RALYL: variants seen among roughly 807,000 people sequenced by gnomAD.
RALYL encodes the protein RALY RNA binding protein like.
RALYL carries 29 observed loss-of-function variants against 35.1 expected under a neutral mutation model. That is an observed-to-expected ratio of 0.83 (90% CI 0.61 to 1.13). RALYL has a LOEUF of 1.13. Ranked by LOEUF, RALYL falls within the 50% of genes most tolerant of loss-of-function variation. The probability of loss-of-function intolerance (pLI) is 0.00; values close to 1 mark genes in which losing one functional copy is unlikely to be tolerated. For synonymous variants in RALYL, 120 were observed against 127.6 expected, an observed-to-expected ratio of 0.94 and a Z score of 0.40; for missense variants, 359 against 360.4, an observed-to-expected ratio of 1.00 and a Z score of 0.03.
intron 2 of RALYL, among the ~76,000 whole-genome samples, chr8:84,688,911 C>T (rs1469051030): frequency 3.3e-5 from 5 of 151,676 alleles, no homozygotes; most frequent in East Asian, 1.9e-4. Context: ...AAAGGGATGT[C>T]GAAAGAATTT....
At chr8:84,238,901 A>G (rs1262488044) in intron 1 of RALYL, among the ~76,000 whole-genome samples, 1 of 152,220 alleles carries the variant, frequency 6.6e-6, no homozygotes, top group African/African-American at 2.4e-5. Flanking sequence ...ATGACAATCT[A>G]TAGCATGCAT....
intron 1 of RALYL, among the ~76,000 whole-genome samples, chr8:84,271,772 G>C (rs1170116807): frequency 3.9e-5 from 6 of 152,066 alleles, no homozygotes; most frequent in African/African-American, 1.2e-4. Flanking sequence ...CACTTACATG[G>C]AAGTTTTAGA....
At chr8:84,520,647 G>C in intron 1 of RALYL, among the ~76,000 whole-genome samples, 1 of 152,160 alleles carries the variant, frequency 6.6e-6, no homozygotes, top group East Asian at 1.9e-4. Flanking sequence ...ATTACTGCCT[G>C]AACTCTGCCT....
At chr8:84,309,993 C>T (rs1304958256) in intron 1 of RALYL, among the ~76,000 whole-genome samples, 1 of 151,986 alleles carries the variant, frequency 6.6e-6, no homozygotes, top group Non-Finnish European at 1.5e-5. Context: ...TCCCAAAGTG[C>T]TGAAATTACA....
At chr8:84,612,819 A>G (rs911024428) in intron 2 of RALYL, among the ~76,000 whole-genome samples, 1 of 151,726 alleles carries the variant, frequency 6.6e-6, no homozygotes, top group South Asian at 2.1e-4. Context: ...TATCCTTGGA[A>G]CAACATTGCT....
At chr8:84,726,859 G>T (rs980651223) in intron 2 of RALYL, among the ~76,000 whole-genome samples, 23 of 151,958 alleles carry the variant, frequency 1.5e-4, no homozygotes, top group African/African-American at 5.6e-4. Flanking sequence ...ATATAAATAA[G>T]GGCGATCCCC....
chr8:84,460,759 C>G (rs964076876), intron 1 of RALYL, among the ~76,000 whole-genome samples: 1 of 151,390 alleles, frequency 6.6e-6, no homozygotes, highest in Non-Finnish European at 1.5e-5. Flanking sequence ...TTTTTTCATA[C>G]AGTATAAATT....
chr8:84,838,753 G>T (rs958365693), intron 4 of RALYL, among the ~76,000 whole-genome samples: 1 of 152,118 alleles, frequency 6.6e-6, no homozygotes, highest in Non-Finnish European at 1.5e-5. Context: ...AAATAAAAAT[G>T]AATTTTCTTT....
intron 2 of RALYL, among the ~76,000 whole-genome samples, chr8:84,743,769 G>T (rs765832587): frequency 1.3e-5 from 2 of 152,012 alleles, no homozygotes; most frequent in Non-Finnish European, 2.9e-5. Flanking sequence ...AAAAAGGAAA[G>T]CAATCCTGAC....
intron 1 of RALYL, among the ~76,000 whole-genome samples, chr8:84,403,554 T>TTTA (rs2043158421): frequency 1.4e-5 from 2 of 140,336 alleles, no homozygotes; most frequent in Non-Finnish European, 1.5e-5. Context: ...TTTTTTTTTT[T>TTTA]AACCAGTACC....
intron 2 of RALYL, among the ~76,000 whole-genome samples, chr8:84,674,284 T>C (rs780124315): frequency 5.9e-5 from 9 of 152,152 alleles, no homozygotes; most frequent in Non-Finnish European, 1.2e-4. Flanking sequence ...GCTGAGATGG[T>C]GGGGTTTTCT....
At chr8:84,326,533 T>C (rs185832874) in intron 1 of RALYL, among the ~76,000 whole-genome samples, 2 of 152,348 alleles carry the variant, frequency 1.3e-5, no homozygotes, top group Admixed American at 1.3e-4. Context: ...GCCTCAAACA[T>C]GTTAGCTATT....
chr8:84,512,793 T>A (rs1359521774), intron 1 of RALYL, among the ~76,000 whole-genome samples: 18 of 152,176 alleles, frequency 1.2e-4, no homozygotes, highest in Admixed American at 1.2e-3. Context: ...GTGTACTTTC[T>A]CCAATGTATG....
chr8:84,262,760 A>G (rs1238735649), intron 1 of RALYL, among the ~76,000 whole-genome samples: 7 of 152,184 alleles, frequency 4.6e-5, no homozygotes. Context: ...CATTACCAAA[A>G]AGGAATCAAA....
chr8:84,715,315 A>G (rs1302714197), intron 2 of RALYL, among the ~76,000 whole-genome samples: 2 of 151,866 alleles, frequency 1.3e-5, no homozygotes, highest in African/African-American at 4.8e-5. Context: ...ATAATGAAGT[A>G]ATTTGTGATA....
At chr8:84,621,564 G>A (rs143580851) in intron 2 of RALYL, among the ~76,000 whole-genome samples, 162 of 151,254 alleles carry the variant, frequency 1.1e-3, no homozygotes, top group African/African-American at 3.4e-3. Context: ...CTTCGGCGTC[G>A]CTCACGCTGG....
intron 1 of RALYL, among the ~76,000 whole-genome samples, chr8:84,338,234 A>G (rs144798964): frequency 2.7e-4 from 41 of 152,124 alleles, no homozygotes; most frequent in African/African-American, 8.2e-4. Context: ...TTTATAGGTA[A>G]GAGAAATTAC....
intron 1 of RALYL, among the ~76,000 whole-genome samples, chr8:84,314,143 A>G (rs1470826052): frequency 2.0e-5 from 3 of 152,072 alleles, no homozygotes; most frequent in African/African-American, 7.2e-5. Flanking sequence ...AACACTGGAC[A>G]CTTATCAAAC....
intron 2 of RALYL, among the ~76,000 whole-genome samples, chr8:84,655,918 C>A (rs562417589): frequency 6.6e-6 from 1 of 152,182 alleles, no homozygotes; most frequent in Non-Finnish European, 1.5e-5. Flanking sequence ...AATCAGCAAC[C>A]TTGTTTAGTT....
Sources: allele counts gnomAD v4.1 joint callset (sites outside exome capture counted in the v4.1 genomes callset), GRCh38; gene constraint gnomAD v4.1.1; transcripts MANE v1.5; gene names NCBI Gene and HGNC (gene_info 2026-07-23, HGNC 2026-07-21).